Variants in ZNF385D observed in about 807,000 individuals in gnomAD.
The protein encoded by ZNF385D is zinc finger protein 385D.
ZNF385D carries 15 observed loss-of-function variants against 35.8 expected under a neutral mutation model. That is an observed-to-expected ratio of 0.42 (90% CI 0.28 to 0.64). The LOEUF (loss-of-function observed/expected upper bound fraction) is 0.64. Ranked by LOEUF, ZNF385D falls within the 30% of genes least tolerant of loss-of-function variation. ZNF385D has a pLI of 0.23. For missense variants in ZNF385D, 474 were observed against 494.6 expected (o/e 0.96, Z 0.39); for synonymous variants, 212 against 186.8 (o/e 1.13, Z -1.10).
At chr3:22,151,392 C>A (rs1035386068) in intron 3 of ZNF385D, among the ~76,000 whole-genome samples, 2 of 152,098 alleles carry the variant, frequency 1.3e-5, no homozygotes, top group African/African-American at 4.8e-5. Flanking sequence ...CAGCTTTTGG[C>A]CTCTTTCAGA....
chr3:21,486,483 G>T (rs1705036680), intron 4 of ZNF385D, among the ~76,000 whole-genome samples: 1 of 152,106 alleles, frequency 6.6e-6, no homozygotes, highest in Admixed American at 6.6e-5. Context: ...TGAATAGGAT[G>T]CCATGTTATC....
intron 2 of ZNF385D, among the ~76,000 whole-genome samples, chr3:22,318,441 G>A (rs944431177): frequency 2.0e-5 from 3 of 152,118 alleles, no homozygotes; most frequent in East Asian, 1.9e-4. Context: ...AGAAAGTGAC[G>A]TCAGAAGCTT....
chr3:21,677,316 G>A (rs1393182538), intron 1 of ZNF385D, among the ~76,000 whole-genome samples: 1 of 152,032 alleles, frequency 6.6e-6, no homozygotes, highest in Non-Finnish European at 1.5e-5. Context: ...GGTTTTTCTG[G>A]TTGACATCAT....
chr3:22,168,914 C>T, exon 3 of ZNF385D: 1 of 985,814 alleles, frequency 1.0e-6, no homozygotes, highest in Non-Finnish European at 1.2e-6. Flanking sequence ...CTGAATTCAG[C>T]TGAATGTTAC....
intron 2 of ZNF385D, among the ~76,000 whole-genome samples, chr3:22,339,712 T>C (rs1291997850): frequency 6.6e-6 from 1 of 152,244 alleles, no homozygotes; most frequent in Non-Finnish European, 1.5e-5. Context: ...CTGCTTTATG[T>C]GCTCACTCCT....
chr3:22,019,368 G>A (rs1341964873), intron 3 of ZNF385D, among the ~76,000 whole-genome samples: 2 of 151,756 alleles, frequency 1.3e-5, no homozygotes, highest in African/African-American at 4.8e-5. Flanking sequence ...CATTCACATA[G>A]ATTTCAGGAC....
intron 1 of ZNF385D, among the ~76,000 whole-genome samples, chr3:21,709,282 A>C (rs1372045344): frequency 6.6e-6 from 1 of 152,114 alleles, no homozygotes; most frequent in African/African-American, 2.4e-5. Context: ...AGGCAGATAT[A>C]TTGTGTTTTC....
intron 4 of ZNF385D, among the ~76,000 whole-genome samples, chr3:21,490,536 A>G (rs1043597731): frequency 2.0e-5 from 3 of 152,130 alleles, no homozygotes; most frequent in African/African-American, 7.2e-5. Flanking sequence ...GTGACTTTAC[A>G]GTAAAAGTCA....
chr3:21,964,509 A>G (rs1424051507), intron 3 of ZNF385D, among the ~76,000 whole-genome samples: 2 of 92,194 alleles, frequency 2.2e-5, no homozygotes, highest in African/African-American at 8.0e-5. Context: ...TTTTTTTCTG[A>G]GACGGAGTCT....
intron 3 of ZNF385D, among the ~76,000 whole-genome samples, chr3:22,023,554 A>T (rs1697348552): frequency 6.6e-6 from 1 of 152,152 alleles, no homozygotes; most frequent in Non-Finnish European, 1.5e-5. Context: ...TTCCCTCTGC[A>T]CATTTAGATA....
intron 3 of ZNF385D, among the ~76,000 whole-genome samples, chr3:21,931,784 A>T (rs1575945591): frequency 6.6e-6 from 1 of 152,310 alleles, no homozygotes; most frequent in East Asian, 1.9e-4. Flanking sequence ...ACAACTCTGT[A>T]AATGTATTAA....
rs572622143 is a variant in ZNF385D, at chr3:21,927,940, T to C, written c.325+240877A>G. On this transcript the variant is annotated intron_variant, in intron 3 of 5. Transcript: ENST00000494108. The stretch of plus-strand genomic sequence containing the variant: ...AAGGAGATAGAATACTGAAATCACA[T>C]TGGCTAGACATGGTGGCTTGTGCCT... 1.2e-3 allele frequency among the ~76,000 whole-genome samples: 185 copies of C among 152,216 alleles called. 1 individual carries two copies. The highest frequency in any genetic ancestry group is 4.3e-3 in the African/African-American group (177 of 41,554).
At chr3:22,061,113 GATTA>G (rs1017374499) in intron 3 of ZNF385D, among the ~76,000 whole-genome samples, 9 of 151,644 alleles carry the variant, frequency 5.9e-5, no homozygotes, top group Non-Finnish European at 1.0e-4. Flanking sequence ...TTAATCACCT[GATTA>G]ATTAAATTAA....
At chr3:21,550,630 G>A (rs569896058) in intron 3 of ZNF385D, among the ~76,000 whole-genome samples, 2 of 152,042 alleles carry the variant, frequency 1.3e-5, no homozygotes, top group African/African-American at 2.4e-5. Flanking sequence ...TTGCAGGCGC[G>A]TGCCACCATG....
intron 5 of ZNF385D, among the ~76,000 whole-genome samples, chr3:21,427,720 A>T (rs1701085811): frequency 6.6e-6 from 1 of 152,202 alleles, no homozygotes; most frequent in African/African-American, 2.4e-5. Flanking sequence ...TTAGAGGAAG[A>T]ATAGAAATGG....
intron 1 of ZNF385D, among the ~76,000 whole-genome samples, chr3:21,730,777 T>C (rs548520260): frequency 6.6e-6 from 1 of 152,384 alleles, no homozygotes; most frequent in South Asian, 2.1e-4. Context: ...CCCCAGAGGA[T>C]TCTTTTTATC....
chr3:22,193,616 C>T (rs1417144623), intron 2 of ZNF385D, among the ~76,000 whole-genome samples: 1 of 151,926 alleles, frequency 6.6e-6, no homozygotes, highest in Non-Finnish European at 1.5e-5. Flanking sequence ...TATTTGACCA[C>T]TGAACTCTTT....
intron 2 of ZNF385D, among the ~76,000 whole-genome samples, chr3:22,326,356 T>G (rs981868555): frequency 5.3e-5 from 8 of 152,094 alleles, no homozygotes; most frequent in Admixed American, 2.0e-4. Context: ...AAATCCCAGG[T>G]AGAGAAGAGG....
rs1430576168 is a variant in ZNF385D at position 22,200,033 on chromosome 3, G to C, written c.107-30998C>G. Among the ~76,000 whole-genome samples the C allele has an allele frequency of 3.9e-5, 6 of 152,028 alleles. No individual in the cohort carries two copies. The East Asian group carries it at 1.2e-3, about 29-fold the overall frequency. On this transcript the variant is annotated intron_variant, in intron 2 of 5. Coordinates refer to the ZNF385D transcript ENST00000494108. The stretch of plus-strand genomic sequence containing the variant: ...ATATTTTTCCTATTTTATAGGTGGA[G>C]ACTGTGTCAGCACAGAAAGGTTAAG...
Sources: allele counts gnomAD v4.1 joint callset (sites outside exome capture counted in the v4.1 genomes callset), GRCh38; gene constraint gnomAD v4.1.1; transcripts MANE v1.5; gene names NCBI Gene and HGNC (gene_info 2026-07-23, HGNC 2026-07-21).